The following CNIH3 variants were observed in gnomAD, a reference collection of about 807,000 sequenced individuals.
CNIH3 encodes the protein cornichon family AMPA receptor auxiliary protein 3.
A neutral mutation model predicts 24.1 loss-of-function variants in CNIH3; 14 were observed. The observed-to-expected ratio is 0.58, with a 90% CI of 0.38 to 0.91. The LOEUF (loss-of-function observed/expected upper bound fraction) is 0.91. Among genes scored for constraint, CNIH3 ranks in the 40% least tolerant of loss-of-function variants. The pLI is 0.00. For synonymous variants in CNIH3, 68 were observed against 73.8 expected (o/e 0.92, Z 0.40); for missense variants, 178 against 196.8 (o/e 0.90, Z 0.57).
intron 1 of CNIH3, among the ~76,000 whole-genome samples, chr1:224,505,305 G>GAAAAAA (rs35027217): frequency 7.2e-6 from 1 of 138,530 alleles, no homozygotes; most frequent in Non-Finnish European, 1.6e-5. Context: ...TCTCAAAAAG[G>GAAAAAA]AAAAAAAAAA....
chr1:224,544,025 A>G (rs916970575), intron 2 of CNIH3, among the ~76,000 whole-genome samples: 7 of 152,036 alleles, frequency 4.6e-5, no homozygotes, highest in African/African-American at 1.7e-4. Flanking sequence ...ATCAGATTCT[A>G]GGTCTGTCTT....
chr1:224,715,278 CCT>C (rs1311090656), intron 3 of CNIH3, among the ~76,000 whole-genome samples: 2 of 152,182 alleles, frequency 1.3e-5, no homozygotes. Flanking sequence ...CTGGTTTTCC[CCT>C]GTCCTGTGTC....
chr1:224,517,425 G>A (rs1418100896), intron 1 of CNIH3, among the ~76,000 whole-genome samples: 1 of 152,122 alleles, frequency 6.6e-6, no homozygotes, highest in African/African-American at 2.4e-5. Context: ...TTGATGCCTC[G>A]CCTTCCAGGA....
chr1:224,459,075 T>C, intron 1 of CNIH3: 1 of 334,696 alleles, frequency 3.0e-6, no homozygotes, highest in Non-Finnish European at 4.3e-6. Context: ...CCAGTGTCTA[T>C]TATCTGTTTG....
intron 1 of CNIH3, among the ~76,000 whole-genome samples, chr1:224,666,264 T>C (rs1685593632): frequency 6.6e-6 from 1 of 152,156 alleles, no homozygotes; most frequent in African/African-American, 2.4e-5. Flanking sequence ...AGACAGCTGG[T>C]ACTGTGAGGT....
chr1:224,517,624 C>T (rs563366474), intron 1 of CNIH3, among the ~76,000 whole-genome samples: 1 of 151,902 alleles, frequency 6.6e-6, no homozygotes, highest in Non-Finnish European at 1.5e-5. Flanking sequence ...TTATCCCTCA[C>T]CCCCTCCCAC....
chr1:224,488,286 C>T (rs1397752378), intron 1 of CNIH3, among the ~76,000 whole-genome samples: 6 of 151,968 alleles, frequency 3.9e-5, no homozygotes, highest in Non-Finnish European at 1.5e-5. Context: ...ATTGTACTTA[C>T]GTTAAATCTT....
chr1:224,647,153 C>T (rs963057807), intron 1 of CNIH3, among the ~76,000 whole-genome samples: 5 of 151,996 alleles, frequency 3.3e-5, no homozygotes, highest in Non-Finnish European at 5.9e-5. Flanking sequence ...CAGCTCACGT[C>T]TGTATTTTTA....
chr1:224,707,105 A>AGGTGT (rs1385194132), intron 3 of CNIH3, among the ~76,000 whole-genome samples: 1 of 151,724 alleles, frequency 6.6e-6, no homozygotes, highest in African/African-American at 2.4e-5. Context: ...CTGGGACCAC[A>AGGTGT]GGTGTGTGCC....
intron 1 of CNIH3, among the ~76,000 whole-genome samples, chr1:224,475,055 GAA>G (rs58756292): frequency 1.0e-5 from 1 of 95,638 alleles, no homozygotes; most frequent in African/African-American, 3.5e-5. Flanking sequence ...AAAAAAAAAA[GAA>G]AAAAAAAAAA....
Position 224,616,324 on chromosome 1 carries a change from CA to C in CNIH3, c.-848del. 3 of 360,486 alleles carry C rather than the reference CA, an allele frequency of 8.3e-6. No individual in the cohort carries two copies. The highest frequency in any genetic ancestry group is 8.4e-6 in the Non-Finnish European group (2 of 237,526). The allele number at this position is 360,486 out of a possible 1,614,324, so 22.3% of individuals were successfully genotyped here. A position where few individuals can be genotyped will look rare whatever the true frequency, so the allele number is the denominator to read the frequency against. Reference sequence around the variant, plus strand: ...CGCACCGCTACAGTTCTCGCAGTGGCAAAGGCGGCGGCGGCGGCGGCGGCAG... The same window carrying C: ...CGCACCGCTACAGTTCTCGCAGTGGCAAGGCGGCGGCGGCGGCGGCGGCAG... On this transcript the variant is annotated 5_prime_UTR_variant, in exon 1 of 6. Transcript: ENST00000272133.
At chr1:224,575,102 C>G in intron 4 of CNIH3, 1 of 892,642 alleles carries the variant, frequency 1.1e-6, no homozygotes, top group Non-Finnish European at 1.9e-6. Context: ...GGCCCTGGGC[C>G]AAGCCTGAGG....
At chr1:224,701,548 C>T (rs1687491619) in intron 3 of CNIH3, among the ~76,000 whole-genome samples, 2 of 152,188 alleles carry the variant, frequency 1.3e-5, no homozygotes, top group South Asian at 4.1e-4. Flanking sequence ...ACCCCACTTC[C>T]TAACACCATC....
At chr1:224,525,490 G>GGT (rs1337426856) in intron 2 of CNIH3, among the ~76,000 whole-genome samples, 1 of 152,178 alleles carries the variant, frequency 6.6e-6, no homozygotes, top group African/African-American at 2.4e-5. Flanking sequence ...CCACAGTCAG[G>GGT]GTGTGTCCTT....
intron 2 of CNIH3, among the ~76,000 whole-genome samples, chr1:224,532,455 A>C (rs1300490820): frequency 1.3e-5 from 2 of 152,192 alleles, no homozygotes; most frequent in Non-Finnish European, 2.9e-5. Flanking sequence ...TGTCGAGGGC[A>C]AAGTGGAAGC....
intron 3 of CNIH3, among the ~76,000 whole-genome samples, chr1:224,718,442 A>G (rs989122837): frequency 6.6e-5 from 10 of 152,220 alleles, no homozygotes; most frequent in Non-Finnish European, 1.2e-4. Context: ...CCAGGGGCAC[A>G]GAGGCCAGAT....
chr1:224,625,542 C>T (rs969893175), intron 1 of CNIH3, among the ~76,000 whole-genome samples: 2 of 152,148 alleles, frequency 1.3e-5, no homozygotes, highest in Non-Finnish European at 2.9e-5. Flanking sequence ...GGCGACAGAG[C>T]GAGACTCCGT....
intron 1 of CNIH3, among the ~76,000 whole-genome samples, chr1:224,453,476 C>T (rs960182153): frequency 6.6e-6 from 1 of 152,140 alleles, no homozygotes; most frequent in African/African-American, 2.4e-5. Flanking sequence ...ACGTGAGCCA[C>T]TCTACCTGGC....
At chr1:224,449,279 C>A (rs759890488) in intron 1 of CNIH3, among the ~76,000 whole-genome samples, 1 of 151,896 alleles carries the variant, frequency 6.6e-6, no homozygotes, top group African/African-American at 2.4e-5. Flanking sequence ...CTGGGATTCT[C>A]TTTAACCCCA....
Sources: gnomAD v4.1 joint callset for allele counts (sites outside exome capture counted in the v4.1 genomes callset) on GRCh38, gnomAD v4.1.1 for gene constraint, MANE v1.5 for transcripts, NCBI Gene and HGNC (gene_info 2026-07-23, HGNC 2026-07-21) for gene names.